The following ATRNL1 variants were observed in gnomAD, a reference collection of about 807,000 sequenced individuals.
ATRNL1 encodes the protein attractin like 1, also known as attractin-like protein 1.
Under a neutral mutation model 182.7 loss-of-function variants are expected in ATRNL1, and 95 were observed. The ratio of observed to expected loss-of-function variants is 0.52; its 90% confidence interval spans 0.44 to 0.62. The LOEUF is 0.62. Ranked by LOEUF, ATRNL1 falls within the 20% of genes least tolerant of loss-of-function variation. The probability of loss-of-function intolerance (pLI) is 0.00; values close to 1 mark genes in which losing one functional copy is unlikely to be tolerated. For missense variants in ATRNL1, 1,471 were observed against 1,679.5 expected, an observed-to-expected ratio of 0.88 and a Z score of 2.17; for synonymous variants, 576 against 568.3, an observed-to-expected ratio of 1.01 and a Z score of -0.19.
At position 115,549,502 on chromosome 10, in the gene ATRNL1, TCAAA is replaced by T; in HGVS notation, c.3767_3770del (p.Gln1256LeufsTer28). ...CTGGTGGCTGCTGTGGTATGGAAGATCAAACAAACTTGTTGGGCTTCTCGACGGA... is the reference window on the plus strand; with the variant it reads ...CTGGTGGCTGCTGTGGTATGGAAGATCAAACTTGTTGGGCTTCTCGACGGA... On this transcript the variant is annotated frameshift_variant, in exon 26 of 29. Coordinates refer to ENST00000355044, the MANE Select transcript of ATRNL1 (RefSeq NM_207303.4). LOFTEE classifies it high-confidence loss of function. The T allele has an allele frequency of 6.2e-7, 1 of 1,603,118 alleles. No individual in the cohort carries two copies. The highest frequency in any genetic ancestry group is 8.5e-7 in the Non-Finnish European group (1 of 1,174,042).
At chr10:115,395,884 A>AAT (rs1844263114) in intron 20 of ATRNL1, among the ~76,000 whole-genome samples, 5 of 151,712 alleles carry the variant, frequency 3.3e-5, no homozygotes, top group African/African-American at 1.2e-4. Flanking sequence ...TATATGTACA[A>AAT]ATACATGTTT....
intron 10 of ATRNL1, among the ~76,000 whole-genome samples, chr10:115,258,926 G>A (rs181273389): frequency 5.4e-4 from 83 of 152,306 alleles, no homozygotes; most frequent in Non-Finnish European, 7.6e-4. Flanking sequence ...GACCCTGTTT[G>A]CCTGGGTATC....
Position 115,334,285 on chromosome 10 carries a change from G to A in ATRNL1, c.3041G>A (p.Cys1014Tyr). The A allele has an allele frequency of 6.6e-7, 1 of 1,522,650 alleles. No individual in the cohort carries two copies. The highest frequency in any genetic ancestry group is 1.3e-5 in the South Asian group (1 of 78,178). 94.3% of individuals were successfully genotyped at this position (1,522,650 alleles called of 1,614,324 possible). The change falls in exon 19 of 29, where the codon TGC becomes TAC. Residue 1014 changes from cysteine to tyrosine, a missense_variant. By Grantham distance (194) the Cys-to-Tyr change is radical. This residue lies in a region of ATRNL1 where 437 missense variants were observed against 506.0 expected (regional missense o/e 0.86). Transcript: ENST00000355044. ...YEWSFIQCPACQCNGHSTCIN... is the reference protein window; with the variant it reads ...YEWSFIQCPAYQCNGHSTCIN... ...TGCTTTTTACTGTTTCCTTTAGCTT[G>A]CCAGTGTAATGGACATAGCACTTGC...
At chr10:115,658,920 C>T (rs1316225062) in intron 26 of ATRNL1, among the ~76,000 whole-genome samples, 1 of 152,138 alleles carries the variant, frequency 6.6e-6, no homozygotes, top group African/African-American at 2.4e-5. Context: ...AAAACACATT[C>T]TTCTTCATAT....
intron 19 of ATRNL1, among the ~76,000 whole-genome samples, chr10:115,362,085 A>G (rs1346340763): frequency 6.6e-6 from 1 of 152,068 alleles, no homozygotes; most frequent in Non-Finnish European, 1.5e-5. Flanking sequence ...GCTATCATGT[A>G]TCCAAAAGAA....
At chr10:115,728,217 C>T (rs1324677259) in intron 27 of ATRNL1, among the ~76,000 whole-genome samples, 1 of 144,224 alleles carries the variant, frequency 6.9e-6, no homozygotes, top group African/African-American at 2.6e-5. Flanking sequence ...ATGGCGTGAA[C>T]CCGGGAGGCG....
chr10:115,691,751 CTATT>C (rs1555048283), intron 26 of ATRNL1, among the ~76,000 whole-genome samples: 1 of 152,094 alleles, frequency 6.6e-6, no homozygotes, highest in Admixed American at 6.6e-5. Context: ...ATCAATCAAT[CTATT>C]CAGTTCCTTT....
chr10:115,477,618 C>T (rs1403914477), intron 24 of ATRNL1, among the ~76,000 whole-genome samples: 1 of 151,496 alleles, frequency 6.6e-6, no homozygotes, highest in East Asian at 2.0e-4. Context: ...GACTTGGATT[C>T]ACAACCCCAA....
intron 26 of ATRNL1, among the ~76,000 whole-genome samples, chr10:115,609,498 T>A (rs531707090): frequency 6.6e-6 from 1 of 152,334 alleles, no homozygotes; most frequent in Non-Finnish European, 1.5e-5. Context: ...AATAAATCTT[T>A]GTTTTTATGA....
intron 8 of ATRNL1, among the ~76,000 whole-genome samples, chr10:115,213,309 C>T (rs1849104002): frequency 6.6e-6 from 1 of 152,010 alleles, no homozygotes; most frequent in Non-Finnish European, 1.5e-5. Context: ...CAGTCTTAGG[C>T]CTTGTGGGGA....
intron 25 of ATRNL1, among the ~76,000 whole-genome samples, chr10:115,533,440 G>C (rs1851735790): frequency 6.6e-6 from 1 of 151,354 alleles, no homozygotes; most frequent in Admixed American, 6.6e-5. Context: ...TGTGGGATCA[G>C]TGGTGATATC....
chr10:115,631,245 A>T (rs1333145272), intron 26 of ATRNL1, among the ~76,000 whole-genome samples: 1 of 152,092 alleles, frequency 6.6e-6, no homozygotes, highest in African/African-American at 2.4e-5. Flanking sequence ...AAAAATTAGT[A>T]ACTATATGAA....
chr10:115,095,375 TAAA>T (rs58764432), intron 1 of ATRNL1, among the ~76,000 whole-genome samples: 1 of 124,818 alleles, frequency 8.0e-6, no homozygotes. Flanking sequence ...TTTTTTTTTT[TAAA>T]AAAAAACTTA....
rs1186893649 is a variant in ATRNL1 at position 115,776,693 on chromosome 10, G to GAGCTGAC, written c.3903+49349_3903+49355dup. On this transcript the variant is annotated intron_variant, in intron 27 of 28. Transcript: ENST00000355044. ...AGTGTCCCTGCTGACAGCCCTTGAT[G>GAGCTGAC]AGCTGACAGCTGACAGCCAGCACCA... 2.6e-5 allele frequency among the ~76,000 whole-genome samples: 4 copies of GAGCTGAC among 152,054 alleles called. No homozygotes were observed. The East Asian group carries it at 7.7e-4, about 29-fold the overall frequency.
chr10:115,722,625 A>G (rs1261652791), intron 26 of ATRNL1, among the ~76,000 whole-genome samples: 2 of 152,158 alleles, frequency 1.3e-5, no homozygotes, highest in African/African-American at 4.8e-5. Flanking sequence ...TTTTCTTCAG[A>G]GGCTTTATTT....
intron 8 of ATRNL1, among the ~76,000 whole-genome samples, chr10:115,183,365 TAGG>T (rs749995107): frequency 1.3e-5 from 2 of 151,000 alleles, no homozygotes. Flanking sequence ...TTTATATAAC[TAGG>T]AGGAGAATAA....
At chr10:115,173,968 T>C (rs995160366) in intron 8 of ATRNL1, among the ~76,000 whole-genome samples, 2 of 151,744 alleles carry the variant, frequency 1.3e-5, no homozygotes, top group Non-Finnish European at 2.9e-5. Flanking sequence ...TGCTTTTTTG[T>C]TGATTTGTTT....
chr10:115,543,528 C>T (rs901507132), intron 25 of ATRNL1, among the ~76,000 whole-genome samples: 16 of 151,876 alleles, frequency 1.1e-4, no homozygotes, highest in Admixed American at 2.6e-4. Context: ...ATGCCCAAAC[C>T]ATCTTTTAAA....
At position 115,654,642 on chromosome 10, in the gene ATRNL1, A is replaced by G. The variant is rs180689643; in HGVS notation, c.3796-72606A>G. On this transcript the variant is annotated intron_variant, in intron 26 of 28. Coordinates refer to ENST00000355044, the MANE Select transcript of ATRNL1 (RefSeq NM_207303.4). ...TCCTTTAAGTAAGACACTGTGTTTT[A>G]TATAGCTCCTTTACTGTGCATGTTG... Among the ~76,000 whole-genome samples the G allele has an allele frequency of 2.0e-5, 3 of 152,314 alleles. No homozygotes were observed. In the East Asian group the frequency reaches 5.8e-4, roughly 29 times the overall value.
Sources: allele counts gnomAD v4.1 joint callset (sites outside exome capture counted in the v4.1 genomes callset), GRCh38; gene constraint gnomAD v4.1.1; regional missense constraint gnomAD v4.1.1; transcripts MANE v1.5; gene names NCBI Gene and HGNC (gene_info 2026-07-23, HGNC 2026-07-21).